The following CACNA1C variants were observed in gnomAD, a reference collection of about 807,000 sequenced individuals.
The protein encoded by CACNA1C is calcium voltage-gated channel subunit alpha1 C.
CACNA1C carries 30 observed loss-of-function variants against 229.0 expected under a neutral mutation model. The observed-to-expected ratio is 0.13, with a 90% CI of 0.10 to 0.18. The LOEUF (loss-of-function observed/expected upper bound fraction) is 0.18. Ranked by LOEUF, CACNA1C falls within the 10% of genes least tolerant of loss-of-function variation. CACNA1C has a pLI of 1.00. For missense variants in CACNA1C, 1,658 were observed against 2,845.0 expected (o/e 0.58, Z 9.49); for synonymous variants, 1,114 against 1,132.5 (o/e 0.98, Z 0.33).
chr12:2,450,553 C>CAAAAAAAAAA (rs796416420), intron 4 of CACNA1C, among the ~76,000 whole-genome samples: 1 of 39,014 alleles, frequency 2.6e-5, no homozygotes, highest in African/African-American at 8.4e-5. Flanking sequence ...GACTCCATCT[C>CAAAAAAAAAA]AAAAAAAAAA....
chr12:2,036,994 C>G (rs1268437126), intron 1 of CACNA1C, among the ~76,000 whole-genome samples: 1 of 152,176 alleles, frequency 6.6e-6, no homozygotes. Context: ...CTCATTTCCC[C>G]TTGTTTTCAA....
At position 2,633,630 on chromosome 12, in the gene CACNA1C, G is replaced by C. The variant is rs779104155; in HGVS notation, c.3829-667G>C. 6.3e-7 allele frequency: 1 copy of C among 1,589,574 alleles called. No homozygotes were observed. The highest frequency in any genetic ancestry group is 1.1e-5 in the South Asian group (1 of 90,536). The stretch of plus-strand genomic sequence containing the variant: ...TCCTGCCTGCCCTCCCTTATGTAGG[G>C]TTACTTTAGTGATCCCTGGAATGTT... On this transcript the variant is annotated intron_variant, in intron 29 of 46. Coordinates refer to ENST00000399655, the MANE Select transcript of CACNA1C (RefSeq NM_000719.7). The surrounding 1 kb of genome is among the most constrained non-coding windows in gnomAD (Gnocchi z 5.8).
intron 3 of CACNA1C, among the ~76,000 whole-genome samples, chr12:2,126,554 A>T (rs564231105): frequency 6.6e-6 from 1 of 152,222 alleles, no homozygotes; most frequent in Non-Finnish European, 1.5e-5. Context: ...AGAACAGTGC[A>T]TGTACTTTCT....
chr12:2,307,068 G>C (rs1225288505), intron 3 of CACNA1C, among the ~76,000 whole-genome samples: 2 of 152,176 alleles, frequency 1.3e-5, no homozygotes, highest in Non-Finnish European at 2.9e-5. Context: ...AGGCACCCCT[G>C]CCAGCCAGTT....
rs1056265613 is a variant in CACNA1C, at chr12:2,346,923, C to T, written c.478-102053C>T. Among the ~76,000 whole-genome samples the T allele has an allele frequency of 2.0e-5, 3 of 152,170 alleles. No individual in the cohort carries two copies. Among genetic ancestry groups the T allele is most frequent in the African/African-American group, 7.2e-5 (3 of 41,432 alleles). On this transcript the variant is annotated intron_variant, in intron 3 of 46. Coordinates refer to ENST00000399655, the MANE Select transcript of CACNA1C (RefSeq NM_000719.7). This position sits in a 1 kb window ranked among gnomAD's most constrained non-coding sequence, Gnocchi z 4.4. ...CACCTCTGCATTTTTGCTGGTGTCT[C>T]CCTCTTCTCAGAATGCTAGTCCTTT...
chr12:2,365,180 G>A (rs1439285577), intron 3 of CACNA1C, among the ~76,000 whole-genome samples: 1 of 152,154 alleles, frequency 6.6e-6, no homozygotes, highest in Non-Finnish European at 1.5e-5. Flanking sequence ...GGCCAGAGAA[G>A]CGAAACATTT....
intron 3 of CACNA1C, among the ~76,000 whole-genome samples, chr12:2,165,659 T>C (rs899915653): frequency 6.6e-6 from 1 of 152,180 alleles, no homozygotes; most frequent in African/African-American, 2.4e-5. Flanking sequence ...GATGATCCCT[T>C]TCTGTTTAAG....
chr12:2,072,324 G>A (rs190048545), intron 1 of CACNA1C, among the ~76,000 whole-genome samples: 3 of 152,034 alleles, frequency 2.0e-5, no homozygotes, highest in Non-Finnish European at 4.4e-5. Context: ...CCAGCCTCCT[G>A]AGTAGCTGGG....
At chr12:2,360,773 T>C (rs1391669255) in intron 3 of CACNA1C, among the ~76,000 whole-genome samples, 3 of 148,108 alleles carry the variant, frequency 2.0e-5, no homozygotes, top group Non-Finnish European at 2.9e-5. Context: ...AGAATTGCAA[T>C]GCTCGAAGAG....
At chr12:2,183,252 A>G (rs2096893888) in intron 3 of CACNA1C, among the ~76,000 whole-genome samples, 1 of 152,124 alleles carries the variant, frequency 6.6e-6, no homozygotes, top group Non-Finnish European at 1.5e-5. Flanking sequence ...GGCTCAAAAA[A>G]AAAAAGAAAA....
chr12:2,561,801 T>C (rs890484292), intron 11 of CACNA1C, among the ~76,000 whole-genome samples: 5 of 152,204 alleles, frequency 3.3e-5, no homozygotes, highest in Admixed American at 3.3e-4. Flanking sequence ...TGTCTACATA[T>C]GGAAGGTTCT....
intron 1 of CACNA1C, among the ~76,000 whole-genome samples, chr12:2,110,435 C>T (rs529328062): frequency 1.1e-3 from 171 of 152,322 alleles, no homozygotes; most frequent in African/African-American, 4.0e-3. Context: ...GTGGAAACAG[C>T]CCAGTCAGAC....
At chr12:2,513,054 A>T in intron 9 of CACNA1C, 70 bp downstream of exon 9, 2 of 1,339,630 alleles carry the variant, frequency 1.5e-6, no homozygotes, top group Non-Finnish European at 2.0e-6. Flanking sequence ...GGGTCAGCAC[A>T]GAACTTTGAC....
At chr12:2,017,434 C>T (rs184850178) in intron 1 of CACNA1C, among the ~76,000 whole-genome samples, 8 of 152,254 alleles carry the variant, frequency 5.3e-5, no homozygotes, top group Admixed American at 4.6e-4. Context: ...CAGAATGATA[C>T]AAGATAACTG....
At chr12:2,501,236 T>TAAAAAAAAAAAAAAAAAAAA (rs2099759477) in intron 7 of CACNA1C, among the ~76,000 whole-genome samples, 6 of 87,858 alleles carry the variant, frequency 6.8e-5, no homozygotes, top group Non-Finnish European at 9.0e-5. Flanking sequence ...AAAAAAAAAG[T>TAAAAAAAAAAAAAAAAAAAA]AAAGCAATAC....
intron 45 of CACNA1C, among the ~76,000 whole-genome samples, chr12:2,687,399 C>T (rs1171532726): frequency 2.0e-5 from 3 of 152,248 alleles, no homozygotes; most frequent in Non-Finnish European, 4.4e-5. Flanking sequence ...GTCGCTCTCT[C>T]CCGGGAGCAC....
chr12:2,067,477 T>TGCGC lies in CACNA1C; in HGVS notation c.49+13867_49+13868insCGCG, dbSNP rs2059748127. On this transcript the variant is annotated intron_variant, in intron 1 of 46. Coordinates refer to ENST00000399655, the MANE Select transcript of CACNA1C (RefSeq NM_000719.7). The surrounding 1 kb of genome is among the most constrained non-coding windows in gnomAD (Gnocchi z 5.3). ...GTGTGTGTGTGTGTGTGTGTGTGTG[T>TGCGC]GTGTGCGCGCGTGTGCGTGCCTGTA... 1.5e-5 allele frequency among the ~76,000 whole-genome samples: 2 copies of TGCGC among 131,604 alleles called. No homozygotes were observed. Among genetic ancestry groups the TGCGC allele is most frequent in the African/African-American group, 5.3e-5 (2 of 37,556 alleles). 86.3% of individuals were successfully genotyped at this position (131,604 alleles called of 152,430 possible).
chr12:2,051,510 G>C (rs1252831751), upstream of CACNA1C, among the ~76,000 whole-genome samples: 1 of 152,184 alleles, frequency 6.6e-6, no homozygotes, highest in Non-Finnish European at 1.5e-5. Flanking sequence ...AGGGGAGAGG[G>C]AAGGTAGACC....
At chr12:2,238,769 G>A (rs1225196573) in intron 3 of CACNA1C, among the ~76,000 whole-genome samples, 1 of 152,178 alleles carries the variant, frequency 6.6e-6, no homozygotes, top group Non-Finnish European at 1.5e-5. Context: ...CTTGCAGGAA[G>A]CCGAGAGGAG....
Sources: allele counts gnomAD v4.1 joint callset (sites outside exome capture counted in the v4.1 genomes callset), GRCh38; gene constraint gnomAD v4.1.1; non-coding constraint Gnocchi (gnomAD v3.1); transcripts MANE v1.5; gene names NCBI Gene and HGNC (gene_info 2026-07-23, HGNC 2026-07-21).